KIT: variants seen among roughly 807,000 people sequenced by gnomAD.
KIT encodes mast/stem cell growth factor receptor Kit.
A neutral mutation model predicts 105.7 loss-of-function variants in KIT; 16 were observed. That is an observed-to-expected ratio of 0.15 (90% confidence interval 0.10 to 0.23). The LOEUF is 0.23. Among genes scored for constraint, KIT ranks in the 10% least tolerant of loss-of-function variants. The probability of loss-of-function intolerance (pLI) is 1.00; values close to 1 mark genes in which losing one functional copy is unlikely to be tolerated. For synonymous variants in KIT, 438 were observed against 441.1 expected (o/e 0.99, Z 0.09); for missense variants, 858 against 1,213.8 (o/e 0.71, Z 4.36).
At chr4:54,682,892 C>G (rs1719048869) in intron 1 of KIT, among the ~76,000 whole-genome samples, 1 of 151,944 alleles carries the variant, frequency 6.6e-6, no homozygotes, top group Admixed American at 6.6e-5. Flanking sequence ...GCTGGGATTA[C>G]AGGCATGCTA....
rs55696150 is a variant in KIT, at chr4:54,726,073, T to G, written c.1540+23T>G. On this transcript the variant is annotated intron_variant, in intron 9 of 20. Transcript: ENST00000288135. Reference sequence around the variant, plus strand: ...AAGGTATATTTCTTTTTAATCCAATTTAAGGGGATGTTTAGGCTCTGTCTA... The same window carrying G: ...AAGGTATATTTCTTTTTAATCCAATGTAAGGGGATGTTTAGGCTCTGTCTA... 127 of 1,582,418 alleles carry G rather than the reference T, an allele frequency of 8.0e-5. No homozygotes were observed. In the East Asian group the frequency reaches 2.8e-3, roughly 35 times the overall value.
intron 1 of KIT, among the ~76,000 whole-genome samples, chr4:54,661,121 C>T (rs1304245730): frequency 7.9e-5 from 12 of 152,096 alleles, no homozygotes; most frequent in African/African-American, 2.9e-4. Flanking sequence ...ATGATGCAAG[C>T]CAGTTAAAAA....
chr4:54,736,061 A>T (rs1027012848), intron 17 of KIT, among the ~76,000 whole-genome samples: 2 of 152,210 alleles, frequency 1.3e-5, no homozygotes, highest in African/African-American at 4.8e-5. Flanking sequence ...TAGTGGCCAA[A>T]ACCGAGTCAC....
At chr4:54,682,248 C>G (rs1315366163) in intron 1 of KIT, among the ~76,000 whole-genome samples, 1 of 151,430 alleles carries the variant, frequency 6.6e-6, no homozygotes, top group Non-Finnish European at 1.5e-5. Context: ...TGCCACCATG[C>G]CTGACTAATT....
intron 7 of KIT, 170 bp downstream of exon 7, chr4:54,709,709 G>T: frequency 1.5e-6 from 1 of 680,368 alleles, no homozygotes; most frequent in Non-Finnish European, 2.7e-6. Flanking sequence ...CAAAAAACCA[G>T]TTCCTTGTCC....
intron 1 of KIT, among the ~76,000 whole-genome samples, chr4:54,673,832 A>G (rs1718280748): frequency 6.6e-6 from 1 of 152,038 alleles, no homozygotes; most frequent in Non-Finnish European, 1.5e-5. Context: ...ATTTTATTTT[A>G]TTTTTGAGAC....
chr4:54,678,340 CCTT>C (rs1718649606), intron 1 of KIT, among the ~76,000 whole-genome samples: 1 of 105,826 alleles, frequency 9.4e-6, no homozygotes, highest in Admixed American at 9.1e-5. Context: ...TTCCTTCCTT[CCTT>C]CCTTCCTTCC....
At chr4:54,678,811 TAAAGG>T in intron 1 of KIT, among the ~76,000 whole-genome samples, 2 of 152,300 alleles carry the variant, frequency 1.3e-5, no homozygotes. Context: ...ATTTCAAACT[TAAAGG>T]AAAATTGCAA....
chr4:54,704,982 T>C lies in KIT; in HGVS notation c.925+1090T>C, dbSNP rs79548366. ...CTCCCCAGACTGAACATGGAAAAGA[T>C]ACTTTACTTGCAATTATAGTCAGCA... On this transcript the variant is annotated intron_variant, in intron 5 of 20. Coordinates refer to ENST00000288135, the MANE Select transcript of KIT (RefSeq NM_000222.3). Among the ~76,000 whole-genome samples, 662 of 152,334 alleles carry C rather than the reference T, an allele frequency of 4.3e-3. 5 individuals carry two copies. Among genetic ancestry groups the C allele is most frequent in the African/African-American group, 0.015 (633 of 41,588 alleles).
chr4:54,691,228 A>C (rs1719687887), intron 1 of KIT, among the ~76,000 whole-genome samples: 1 of 152,210 alleles, frequency 6.6e-6, no homozygotes, highest in Non-Finnish European at 1.5e-5. Flanking sequence ...TCAGGATTGA[A>C]GAAAATGTTT....
chr4:54,691,639 A>AGCT (rs1394805879), intron 1 of KIT, among the ~76,000 whole-genome samples: 4 of 152,068 alleles, frequency 2.6e-5, no homozygotes, highest in Non-Finnish European at 4.4e-5. Flanking sequence ...TGCTACTGTT[A>AGCT]GCTGCTGCTG....
At chr4:54,698,133 C>A in intron 2 of KIT, 151 bp from the exon 3 acceptor site, 1 of 733,610 alleles carries the variant, frequency 1.4e-6, no homozygotes, top group Non-Finnish European at 2.4e-6. Context: ...CTCAATAGTA[C>A]TAGATGGATA....
At chr4:54,707,384 A>T in intron 6 of KIT, 97 bp downstream of exon 6, 1 of 874,222 alleles carries the variant, frequency 1.1e-6, no homozygotes, top group Admixed American at 1.9e-5. Context: ...CCACGAGAAG[A>T]TACCTGGTAA....
chr4:54,731,341 A>G lies in KIT; in HGVS notation c.2155A>G (p.Asn719Asp), dbSNP rs1560420768. ...CATCTCTCCCAGCAGCGATAGTACTAATGAGTACATGGACATGAAACCTGG... is the reference window on the plus strand; with the variant it reads ...CATCTCTCCCAGCAGCGATAGTACTGATGAGTACATGGACATGAAACCTGG... ...SKESSCSDSTNEYMDMKPGVS... is the reference protein window; with the variant it reads ...SKESSCSDSTDEYMDMKPGVS... The change falls in exon 15 of 21, where the codon AAT (asparagine) becomes GAT (aspartate). Residue 719 changes from asparagine to aspartate, a missense_variant. Physicochemically the swap from Asn to Asp is conservative, Grantham distance 23. Around this residue, in one of 7 missense-constraint regions of KIT, gnomAD observed 158 missense variants for 218.7 expected, o/e 0.72. Transcript: ENST00000288135. 1 of 1,612,422 alleles carries G rather than the reference A, an allele frequency of 6.2e-7. No homozygotes were observed. The highest frequency in any genetic ancestry group is 8.5e-7 in the Non-Finnish European group (1 of 1,178,582).
chr4:54,718,599 TA>T (rs1291279797), intron 7 of KIT, among the ~76,000 whole-genome samples: 1 of 152,212 alleles, frequency 6.6e-6, no homozygotes, highest in East Asian at 1.9e-4. Context: ...GGAAAGACCT[TA>T]TGGCCCACAA....
At position 54,737,029 on chromosome 4, in the gene KIT, C is replaced by T. The variant is rs1200366988; in HGVS notation, c.2697-146C>T. On this transcript the variant is annotated intron_variant, in intron 19 of 20. Transcript: ENST00000288135. ...CAGAAAGTTTCAGTAATATTTCATA[C>T]ATGCAGTGTTTTATGTTATCTATAT... The T allele has an allele frequency of 4.1e-6, 3 of 726,436 alleles. No individual in the cohort carries two copies. In the Admixed American group the frequency reaches 6.2e-5, roughly 15 times the overall value. The allele number at this position is 726,436 out of a possible 1,614,324, so 45.0% of individuals were successfully genotyped here.
At chr4:54,718,996 C>T (rs1413233563) in intron 7 of KIT, among the ~76,000 whole-genome samples, 2 of 152,076 alleles carry the variant, frequency 1.3e-5, no homozygotes, top group Admixed American at 6.6e-5. Context: ...TTACACAGAC[C>T]AAAACCGGGA....
rs575642214 is a variant in KIT, at chr4:54,677,423, T to A, written c.68-18089T>A. On this transcript the variant is annotated intron_variant, in intron 1 of 20. Transcript: ENST00000288135. ...AGAGAGAAGTTCTTGAGTATCAGTA[T>A]TTCAGGGATATGGGGAAGGAAGAAC... is the stretch of plus-strand genomic sequence containing the variant. 2.6e-3 allele frequency among the ~76,000 whole-genome samples: 403 copies of A among 152,294 alleles called. 4 individuals are homozygous for A. The highest frequency in any genetic ancestry group is 4.0e-3 in the Non-Finnish European group (274 of 68,022).
intron 1 of KIT, among the ~76,000 whole-genome samples, chr4:54,682,410 G>C (rs991869800): frequency 2.6e-5 from 4 of 151,784 alleles, no homozygotes; most frequent in African/African-American, 9.7e-5. Context: ...TTTTATTAAT[G>C]TAAGAGATTT....
Sources: gnomAD v4.1 joint callset for allele counts (sites outside exome capture counted in the v4.1 genomes callset) on GRCh38, gnomAD v4.1.1 for gene constraint, gnomAD v4.1.1 regional missense constraint, MANE v1.5 for transcripts, NCBI Gene and HGNC (gene_info 2026-07-23, HGNC 2026-07-21) for gene names.